The following CPE variants were observed in gnomAD, a reference collection of about 807,000 sequenced individuals.
The protein encoded by CPE is carboxypeptidase E.
Under a neutral mutation model 53.5 loss-of-function variants are expected in CPE, and 17 were observed. The ratio of observed to expected loss-of-function variants is 0.32; its 90% CI spans 0.22 to 0.48. The LOEUF (loss-of-function observed/expected upper bound fraction) is 0.48, where lower values mean the gene tolerates loss of function less well. Ranked by LOEUF, CPE falls within the 20% of genes least tolerant of loss-of-function variation. The pLI is 0.99. For synonymous variants in CPE, 226 were observed against 228.8 expected, an observed-to-expected ratio of 0.99 and a Z score of 0.11; for missense variants, 524 against 614.7, an observed-to-expected ratio of 0.85 and a Z score of 1.56.
intron 1 of CPE, among the ~76,000 whole-genome samples, chr4:165,428,617 A>C (rs937462585): frequency 6.6e-6 from 1 of 151,314 alleles, no homozygotes; most frequent in African/African-American, 2.4e-5. Context: ...GAAGTTTGAA[A>C]TTAGTATCAC....
intron 1 of CPE, among the ~76,000 whole-genome samples, chr4:165,413,198 TTG>T (rs1036911685): frequency 6.6e-6 from 1 of 152,252 alleles, no homozygotes; most frequent in African/African-American, 2.4e-5. Context: ...GTGGCTATTC[TTG>T]TCCCTTCTTT....
At position 165,464,580 on chromosome 4, in the gene CPE, G is replaced by T; in HGVS notation, c.498G>T (p.Ala166=). The change falls in exon 2 of 9, where the codon GCG becomes GCT. Residue 166 remains alanine, a synonymous_variant. Transcript: ENST00000402744. ...SLNPDGFEKA[A]SQPGELKDWF... ...ACCCAGATGGCTTTGAGAAGGCAGCGTCTCAGGTGAGTGCCAGGCAGCTCA... is the reference window on the plus strand; with the variant it reads ...ACCCAGATGGCTTTGAGAAGGCAGCTTCTCAGGTGAGTGCCAGGCAGCTCA... The T allele has an allele frequency of 6.2e-7, 1 of 1,608,884 alleles. No homozygotes were observed. The highest frequency in any genetic ancestry group is 1.7e-5 in the Admixed American group (1 of 59,598).
chr4:165,379,141 C>A lies in CPE; in HGVS notation c.-81C>A. 8.6e-7 allele frequency: 1 copy of A among 1,163,004 alleles called. No individual in the cohort carries two copies. Among genetic ancestry groups the A allele is most frequent in the Non-Finnish European group, 1.1e-6 (1 of 933,898 alleles). The allele number at this position is 1,163,004 out of a possible 1,614,324, so 72.0% of individuals were successfully genotyped here. A position where few individuals can be genotyped will look rare whatever the true frequency, so the allele number is the denominator to read the frequency against. On this transcript the variant is annotated 5_prime_UTR_variant, in exon 1 of 9. Transcript: ENST00000402744. This position sits in a 1 kb window ranked among gnomAD's most constrained non-coding sequence, Gnocchi z 6.0. Reference sequence around the variant, plus strand: ...CGGAACTTGCCGCCCCCAGCAGCGCCGGCGGGCTAAGCCCAGGGCCGGGCA... The same window carrying A: ...CGGAACTTGCCGCCCCCAGCAGCGCAGGCGGGCTAAGCCCAGGGCCGGGCA...
intron 1 of CPE, among the ~76,000 whole-genome samples, chr4:165,438,432 T>C (rs555629522): frequency 2.6e-5 from 4 of 152,182 alleles, no homozygotes; most frequent in Admixed American, 6.5e-5. Flanking sequence ...GGGGAAACAA[T>C]TGGTCATCTA....
At chr4:165,468,826 T>C (rs1414574656) in intron 3 of CPE, among the ~76,000 whole-genome samples, 1 of 152,184 alleles carries the variant, frequency 6.6e-6, no homozygotes, top group Non-Finnish European at 1.5e-5. Flanking sequence ...CTCTTTTGCT[T>C]AAAAAACCTT....
intron 1 of CPE, among the ~76,000 whole-genome samples, chr4:165,417,228 A>T (rs1211797756): frequency 7.1e-6 from 1 of 140,502 alleles, no homozygotes; most frequent in Non-Finnish European, 1.6e-5. Context: ...AATTCTCCTT[A>T]GTTTAGACTT....
intron 1 of CPE, among the ~76,000 whole-genome samples, chr4:165,435,961 C>T (rs2126682279): frequency 6.6e-6 from 1 of 152,202 alleles, no homozygotes; most frequent in South Asian, 2.1e-4. Context: ...ACTTTTTAAC[C>T]TGGTTGCCAG....
intron 1 of CPE, among the ~76,000 whole-genome samples, chr4:165,398,376 A>C (rs1298232638): frequency 6.6e-6 from 1 of 152,184 alleles, no homozygotes; most frequent in Non-Finnish European, 1.5e-5. Context: ...ATATACACAT[A>C]TATGTATATA....
At chr4:165,485,433 T>C (rs569331926) in intron 5 of CPE, among the ~76,000 whole-genome samples, 6 of 152,334 alleles carry the variant, frequency 3.9e-5, no homozygotes, top group Non-Finnish European at 7.3e-5. Context: ...AATTATGTGC[T>C]GAGAAAAATA....
At chr4:165,496,035 A>G (rs971643790) in intron 8 of CPE, among the ~76,000 whole-genome samples, 2 of 152,220 alleles carry the variant, frequency 1.3e-5, no homozygotes, top group African/African-American at 2.4e-5. Flanking sequence ...AATGATGCAT[A>G]TAAGAAAATT....
At chr4:165,481,016 A>ATATATATATATATAT (rs1491161430) in intron 3 of CPE, among the ~76,000 whole-genome samples, 2 of 111,040 alleles carry the variant, frequency 1.8e-5, no homozygotes, top group African/African-American at 6.8e-5. Flanking sequence ...ATATATATAT[A>ATATATATATATATAT]TTTTTTTTTT....
At chr4:165,392,304 AAT>A (rs532328716) in intron 1 of CPE, among the ~76,000 whole-genome samples, 1 of 146,674 alleles carries the variant, frequency 6.8e-6, no homozygotes, top group African/African-American at 2.5e-5. Context: ...TAATATATAT[AAT>A]ATATCATGTA....
intron 3 of CPE, among the ~76,000 whole-genome samples, chr4:165,480,423 G>A (rs961507214): frequency 6.6e-6 from 1 of 152,196 alleles, no homozygotes; most frequent in African/African-American, 2.4e-5. Flanking sequence ...AGCTACAAAG[G>A]TGTTCATAGT....
chr4:165,493,093 T>C (rs1732635962), intron 6 of CPE, 78 bp from the exon 7 acceptor site: 2 of 858,142 alleles, frequency 2.3e-6, no homozygotes, highest in Admixed American at 2.2e-5. Flanking sequence ...AAGAGATGCT[T>C]GATATGAAAC....
chr4:165,497,011 C>T (rs1186745447), intron 8 of CPE, among the ~76,000 whole-genome samples: 1 of 152,150 alleles, frequency 6.6e-6, no homozygotes, highest in Non-Finnish European at 1.5e-5. Flanking sequence ...CAAGCTCTGC[C>T]TCCCGGGTTC....
intron 1 of CPE, among the ~76,000 whole-genome samples, chr4:165,454,463 T>G (rs1024156465): frequency 6.6e-6 from 1 of 152,252 alleles, no homozygotes; most frequent in Admixed American, 6.5e-5. Flanking sequence ...GGGAAGAGAT[T>G]GTTCAAATAA....
chr4:165,404,512 G>T, intron 1 of CPE: 1 of 826,208 alleles, frequency 1.2e-6, no homozygotes, highest in South Asian at 1.3e-5. Context: ...GTAGTTCTGG[G>T]TTTCCACCTC....
At chr4:165,442,040 T>TTTTG (rs1731623384) in intron 1 of CPE, among the ~76,000 whole-genome samples, 3 of 103,980 alleles carry the variant, frequency 2.9e-5, no homozygotes, top group African/African-American at 1.3e-4. Context: ...TTTTTTGTTT[T>TTTTG]TTTTTTGTTT....
chr4:165,410,840 GTGTT>G (rs755252686), intron 1 of CPE, among the ~76,000 whole-genome samples: 1 of 146,638 alleles, frequency 6.8e-6, no homozygotes, highest in African/African-American at 2.5e-5. Context: ...GTGTGTGTGT[GTGTT>G]TGTGTGTGTG....
Sources: gnomAD v4.1 joint callset for allele counts (sites outside exome capture counted in the v4.1 genomes callset) on GRCh38, gnomAD v4.1.1 for gene constraint, Gnocchi (gnomAD v3.1) non-coding constraint, MANE v1.5 for transcripts, NCBI Gene and HGNC (gene_info 2026-07-23, HGNC 2026-07-21) for gene names.